The following PKD1L3 variants were observed in gnomAD, a reference collection of about 807,000 sequenced individuals.
PKD1L3 encodes the protein polycystin 1 like 3, transient receptor potential channel interacting, also known as polycystin-1-like protein 3.
PKD1L3 carries 239 observed loss-of-function variants against 184.1 expected under a neutral mutation model. The observed-to-expected ratio is 1.30, with a 90% CI of 1.17 to 1.45. The LOEUF is 1.45. PKD1L3 is among the 40% of genes most tolerant of loss of function. The pLI, the probability that PKD1L3 is intolerant of heterozygous loss-of-function variation, is 0.00. For missense variants in PKD1L3, 2,660 were observed against 2,067.2 expected, an observed-to-expected ratio of 1.29 and a Z score of -5.56; for synonymous variants, 996 against 778.8, an observed-to-expected ratio of 1.28 and a Z score of -4.64.
chr16:71,963,079 G>T, intron 16 of PKD1L3, 126 bp downstream of exon 16: 2 of 1,054,498 alleles, frequency 1.9e-6, no homozygotes, highest in South Asian at 2.2e-5. Flanking sequence ...CAACAGTAAT[G>T]CTTATGTATG....
intron 9 of PKD1L3, among the ~76,000 whole-genome samples, chr16:71,979,217 G>T (rs1463703518): frequency 6.6e-6 from 1 of 152,158 alleles, no homozygotes; most frequent in Non-Finnish European, 1.5e-5. Flanking sequence ...GCTCAGGTGG[G>T]TGAATCACTT....
rs771086268 is a variant in PKD1L3, at chr16:71,984,102, T to C, written c.900A>G (p.Leu300=). 6.0e-5 allele frequency: 93 copies of C among 1,552,110 alleles called. No individual in the cohort carries two copies. Among genetic ancestry groups the C allele is most frequent in the Non-Finnish European group, 7.7e-5 (88 of 1,147,092 alleles). The change falls in exon 6 of 30, where the codon CTA becomes CTG. Residue 300 remains leucine, a synonymous_variant. Coordinates refer to ENST00000620267, the MANE Select transcript of PKD1L3 (RefSeq NM_181536.2). The part of the protein sequence containing the change: ...AVHGLQALNK[L]QEACEFLQKL... ...TCTGGAGGAACTCACAAGCTTCCTG[T>C]AGTTTGTTAAGAGCTTGCAAACCAT... is the stretch of plus-strand genomic sequence containing the variant.
chr16:71,944,209 T>TTTCATTAAGCAGTCACTCACCA lies in PKD1L3; in HGVS notation c.3719-61_3719-40dup, dbSNP rs767731383. On this transcript the variant is annotated intron_variant, in intron 22 of 29. Transcript: ENST00000620267. ...AAATATAGACCAAAGAAATGTTATA[T>TTTCATTAAGCAGTCACTCACCA]TTCATTAAGCAGTCACTCACCATTC... 1.8e-4 allele frequency: 270 copies of TTTCATTAAGCAGTCACTCACCA among 1,510,106 alleles called. 1 individual carries two copies. Among genetic ancestry groups the TTTCATTAAGCAGTCACTCACCA allele is most frequent in the Non-Finnish European group, 2.0e-5 (22 of 1,113,048 alleles). The allele number at this position is 1,510,106 out of a possible 1,614,324, so 93.5% of individuals were successfully genotyped here. A position where few individuals can be genotyped will look rare whatever the true frequency, so the allele number is the denominator to read the frequency against.
At chr16:71,982,417 C>T (rs1011456677) in intron 6 of PKD1L3, among the ~76,000 whole-genome samples, 182 bp from the exon 7 acceptor site, 4 of 151,654 alleles carry the variant, frequency 2.6e-5, no homozygotes, top group Non-Finnish European at 5.9e-5. Flanking sequence ...TCCTGAGTAG[C>T]TAGGACTACA....
At chr16:71,934,237 G>C in intron 26 of PKD1L3, 112 bp from the exon 27 acceptor site, 1 of 966,330 alleles carries the variant, frequency 1.0e-6, no homozygotes, top group Non-Finnish European at 1.6e-6. Flanking sequence ...GAGGTCAAAT[G>C]CTTGTTGATG....
At chr16:71,952,812 T>C in intron 18 of PKD1L3, 82 bp downstream of exon 18, 13 of 1,393,996 alleles carry the variant, frequency 9.3e-6, no homozygotes, top group Non-Finnish European at 1.3e-5. Flanking sequence ...CACTCCAGTC[T>C]GTGCAACAGA....
intron 17 of PKD1L3, among the ~76,000 whole-genome samples, chr16:71,953,400 A>AACAGGTTTAATTGACTCAC (rs1555516979): frequency 6.6e-6 from 1 of 151,812 alleles, no homozygotes; most frequent in Non-Finnish European, 1.5e-5. Flanking sequence ...TTATAAAGAA[A>AACAGGTTTAATTGACTCAC]AGTTCTTCAT....
At chr16:71,958,215 G>A (rs1333703485) in intron 16 of PKD1L3, among the ~76,000 whole-genome samples, 1 of 151,198 alleles carries the variant, frequency 6.6e-6, no homozygotes, top group Admixed American at 6.6e-5. Flanking sequence ...GTGAAACCCC[G>A]TCTCTACTAA....
chr16:71,967,195 G>C lies in PKD1L3; in HGVS notation c.2407C>G (p.Leu803Val), dbSNP rs1168323286. The change falls in exon 15 of 30, where the codon CTA (leucine) becomes GTA (valine). Residue 803 changes from leucine (L) to valine (V), a missense_variant. Transcript: ENST00000620267. ...DVFLLTTWTS[L>V]GNLHSLRLWH... ...AGCCGAAGGCTGTGCAGGTTCCCTA[G>C]AGAGGTCCAAGTGGTGAGAAGGAAG... The C allele has an allele frequency of 5.8e-6, 9 of 1,551,728 alleles. No homozygotes were observed. Among genetic ancestry groups the C allele is most frequent in the Non-Finnish European group, 7.0e-6 (8 of 1,146,976 alleles).
intron 17 of PKD1L3, 62 bp downstream of exon 17, chr16:71,954,043 C>G (rs2038951474): frequency 7.4e-7 from 1 of 1,343,688 alleles, no homozygotes; most frequent in East Asian, 2.8e-5. Flanking sequence ...GAGCAAGACC[C>G]TGTCTCAAAA....
Position 71,942,579 on chromosome 16 carries a change from T to C in PKD1L3, c.4305A>G (p.Gly1435=). The C allele has an allele frequency of 6.4e-7, 1 of 1,551,568 alleles. No individual in the cohort carries two copies. The highest frequency in any genetic ancestry group is 8.7e-7 in the Non-Finnish European group (1 of 1,146,922). ...HERLTSKNEN[G]FSYIMRGAFF... ...AGTTACCTCTCATGATGTAACTGAA[T>C]CCATTCTCATTCTTGCTTGTCAGCC... The change falls in exon 24 of 30, where the codon GGA becomes GGG. Residue 1435 remains glycine (G), a synonymous_variant. Transcript: ENST00000620267.
rs547721030 is a variant in PKD1L3 at position 71,945,767 on chromosome 16, G to A, written c.3719-1597C>T. Among the ~76,000 whole-genome samples, 29 of 152,204 alleles carry A rather than the reference G, an allele frequency of 1.9e-4. 1 individual carries two copies. In the South Asian group the frequency reaches 5.4e-3, roughly 28 times the overall value. On this transcript the variant is annotated intron_variant, in intron 22 of 29. Transcript: ENST00000620267. Reference sequence around the variant, plus strand: ...CCAAGCACCATGGGATCAGTGAAGAGTGAGCAAATAAATCTCTCCAAGAAA... The same window carrying A: ...CCAAGCACCATGGGATCAGTGAAGAATGAGCAAATAAATCTCTCCAAGAAA...
At chr16:71,945,399 T>TA (rs1491569323) in intron 22 of PKD1L3, among the ~76,000 whole-genome samples, 31 of 12,590 alleles carry the variant, frequency 2.5e-3, no homozygotes, top group African/African-American at 4.1e-3. Flanking sequence ...TATATATATA[T>TA]TTATTTATTT....
At chr16:71,958,827 C>CTT (rs932749955) in intron 16 of PKD1L3, among the ~76,000 whole-genome samples, 2 of 142,242 alleles carry the variant, frequency 1.4e-5, no homozygotes, top group African/African-American at 5.3e-5. Context: ...TGGCTCACAC[C>CTT]TGTAATCTTA....
chr16:71,968,081 G>A, intron 13 of PKD1L3, 74 bp from the exon 14 acceptor site: 1 of 1,236,998 alleles, frequency 8.1e-7, no homozygotes, highest in Non-Finnish European at 1.1e-6. Flanking sequence ...CAGCTGAGGA[G>A]CAGGAGGATG....
intron 24 of PKD1L3, among the ~76,000 whole-genome samples, chr16:71,942,121 C>T (rs2038381774): frequency 6.6e-6 from 1 of 151,628 alleles, no homozygotes; most frequent in African/African-American, 2.4e-5. Context: ...TCAAGACCAG[C>T]CTGGCAAACA....
intron 24 of PKD1L3, among the ~76,000 whole-genome samples, chr16:71,940,455 C>A (rs998142580): frequency 6.6e-6 from 1 of 152,026 alleles, no homozygotes; most frequent in African/African-American, 2.4e-5. Flanking sequence ...GACTTAGATA[C>A]CCAGTTGATA....
chr16:71,935,622 C>A (rs180798963), intron 25 of PKD1L3, 104 bp from the exon 26 acceptor site: 9 of 1,079,726 alleles, frequency 8.3e-6, no homozygotes, highest in Non-Finnish European at 1.2e-5. Context: ...GCAAAGCACA[C>A]TGCCAGGCAT....
At chr16:71,939,048 C>A (rs918199885) in intron 24 of PKD1L3, among the ~76,000 whole-genome samples, 2 of 152,232 alleles carry the variant, frequency 1.3e-5, no homozygotes, top group African/African-American at 4.8e-5. Flanking sequence ...GGCTGTGACA[C>A]CCTCTTTGGG....
Sources: allele counts gnomAD v4.1 joint callset (sites outside exome capture counted in the v4.1 genomes callset), GRCh38; gene constraint gnomAD v4.1.1; transcripts MANE v1.5; gene names NCBI Gene and HGNC (gene_info 2026-07-23, HGNC 2026-07-21).